SLC9A6: variants seen among roughly 807,000 people sequenced by gnomAD.
The protein encoded by SLC9A6 is solute carrier family 9 member A6, also known as sodium/hydrogen exchanger 6.
In SLC9A6, 6 loss-of-function variants were observed where a neutral mutation model predicts 45.3. That is an observed-to-expected ratio of 0.13 (90% CI 0.07 to 0.26). SLC9A6 has a LOEUF of 0.26. SLC9A6 is among the 10% of genes least tolerant of loss of function. The pLI is 1.00. For synonymous variants in SLC9A6, 191 were observed against 187.7 expected, an observed-to-expected ratio of 1.02 and a Z score of -0.14; for missense variants, 278 against 503.7, an observed-to-expected ratio of 0.55 and a Z score of 4.29.
In SLC9A6 at chrX:136,036,589, C is replaced by T. The variant is rs1019234650; in HGVS notation, c.1661+3096C>T. On this transcript the variant is annotated intron_variant, in intron 16 of 17. Coordinates refer to ENST00000630721, the MANE Select transcript of SLC9A6 (RefSeq NM_001379110.1). ...AGTGCAGTGGTGCAATCATAGTTCA[C>T]TGTAGCCCCAACCTCCTGGGCTCAG... is the stretch of plus-strand genomic sequence containing the variant. Among the ~76,000 whole-genome samples the T allele has an allele frequency of 2.7e-5, 3 of 112,673 alleles. No individual in the cohort carries two copies. The Admixed American group carries it at 2.8e-4, about 11-fold the overall frequency.
intron 10 of SLC9A6, among the ~76,000 whole-genome samples, chrX:136,014,158 A>G (rs1037959308): frequency 8.9e-6 from 1 of 112,480 alleles, no homozygotes; most frequent in Non-Finnish European, 1.9e-5. Context: ...GATTATGGCT[A>G]TAGTGAGAAA....
At chrX:136,043,010 G>C (rs2071540790) in intron 17 of SLC9A6, among the ~76,000 whole-genome samples, 1 of 111,852 alleles carries the variant, frequency 8.9e-6, no homozygotes, top group Non-Finnish European at 1.9e-5. Flanking sequence ...AAATCACTGG[G>C]TCAAAAGGCA....
chrX:136,025,335 T>G (rs1266622523), intron 13 of SLC9A6, among the ~76,000 whole-genome samples: 1 of 112,767 alleles, frequency 8.9e-6, no homozygotes, highest in Non-Finnish European at 1.9e-5. Flanking sequence ...AGTTCTGTGT[T>G]TGGCTGAAAC....
intron 1 of SLC9A6, among the ~76,000 whole-genome samples, chrX:135,980,107 T>C (rs1297395779): frequency 8.9e-6 from 1 of 111,939 alleles, no homozygotes; most frequent in African/African-American, 3.3e-5. Flanking sequence ...CAAATTAATA[T>C]TGGGGAGGTT....
intron 2 of SLC9A6, among the ~76,000 whole-genome samples, chrX:135,987,778 A>G (rs1418005311): frequency 1.4e-4 from 15 of 109,983 alleles, no homozygotes; most frequent in African/African-American, 4.7e-4. Flanking sequence ...TTCCCGTCAC[A>G]CTCTGCCCAT....
rs1401081990 is a variant in SLC9A6, at chrX:136,046,603, A to G, written c.*1879A>G. The G allele has an allele frequency of 8.9e-6, 1 of 112,788 alleles. No homozygotes were observed. The highest frequency in any genetic ancestry group is 3.2e-5 in the African/African-American group (1 of 30,966). The allele number at this position is 112,788 out of a possible 1,213,427, so 9.3% of individuals were successfully genotyped here. A position where few individuals can be genotyped will look rare whatever the true frequency, so the allele number is the denominator to read the frequency against. ...TCACTTTATGTAAATACTTCGCATG[A>G]CAAATTCAGTAACTCGTCTATTTCA... On this transcript the variant is annotated 3_prime_UTR_variant, in exon 18 of 18. Coordinates refer to ENST00000630721, the MANE Select transcript of SLC9A6 (RefSeq NM_001379110.1).
intron 2 of SLC9A6, among the ~76,000 whole-genome samples, chrX:135,986,259 T>C (rs1424579747): frequency 1.8e-5 from 2 of 110,572 alleles, no homozygotes; most frequent in Non-Finnish European, 3.8e-5. Flanking sequence ...GTATCTCTAC[T>C]GCCCAGAATC....
chrX:136,010,668 A>G (rs1304768347), intron 8 of SLC9A6, 85 bp downstream of exon 8: 25 of 862,494 alleles, frequency 2.9e-5, no homozygotes, highest in East Asian at 1.9e-4. Flanking sequence ...TAGTTCTATG[A>G]TTAGAATTAT....
chrX:136,004,795 CT>C (rs1313717141), intron 7 of SLC9A6, among the ~76,000 whole-genome samples: 3 of 112,052 alleles, frequency 2.7e-5, no homozygotes, highest in Non-Finnish European at 3.8e-5. Context: ...AAGGCTGTAA[CT>C]CATATTGATA....
intron 17 of SLC9A6, among the ~76,000 whole-genome samples, chrX:136,041,117 C>G (rs1556622536): frequency 9.4e-6 from 1 of 106,060 alleles, no homozygotes; most frequent in African/African-American, 3.4e-5. Context: ...GACTCTGTAT[C>G]AAAAGAAAAA....
intron 5 of SLC9A6, 36 bp from the exon 6 acceptor site, chrX:135,998,820 A>AT: frequency 2.0e-6 from 2 of 1,014,028 alleles, no homozygotes; most frequent in Non-Finnish European, 2.8e-6. Flanking sequence ...AACAGTTGAT[A>AT]TTTTTTTCTA....
chrX:136,038,360 T>A (rs2071446536), intron 16 of SLC9A6, among the ~76,000 whole-genome samples: 1 of 112,502 alleles, frequency 8.9e-6, no homozygotes, highest in Non-Finnish European at 1.9e-5. Context: ...TGTTTGAATG[T>A]TAAACTAGTC....
chrX:135,985,189 A>C (rs1461953561), upstream of SLC9A6: 9 of 215,444 alleles, frequency 4.2e-5, no homozygotes, highest in Non-Finnish European at 5.8e-5. Context: ...AGCTCTGAGA[A>C]TAGGATCAAA....
chrX:136,027,731 T>A (rs185736050), intron 13 of SLC9A6, among the ~76,000 whole-genome samples: 6 of 112,327 alleles, frequency 5.3e-5, no homozygotes, highest in Non-Finnish European at 1.1e-4. Context: ...CCCTAATGTA[T>A]AGTCTTGTGG....
chrX:136,004,081 T>A (rs1556617668), intron 7 of SLC9A6, among the ~76,000 whole-genome samples: 2 of 65,676 alleles, frequency 3.0e-5, no homozygotes, highest in African/African-American at 1.3e-4. Flanking sequence ...CTCCCTAATC[T>A]TTTTTTTTTT....
chrX:136,007,561 T>A (rs2089677185), intron 7 of SLC9A6, among the ~76,000 whole-genome samples: 1 of 111,807 alleles, frequency 8.9e-6, no homozygotes. Flanking sequence ...AGTAGAAAAT[T>A]CCTGAAATTT....
chrX:136,027,713 T>C (rs1358970223), intron 13 of SLC9A6, among the ~76,000 whole-genome samples: 1 of 112,280 alleles, frequency 8.9e-6, no homozygotes, highest in Non-Finnish European at 1.9e-5. Flanking sequence ...AGGCTGTACT[T>C]TGTGGACCCC....
At chrX:135,983,686 A>G (rs181500654), upstream of SLC9A6, 1 of 106,168 alleles carries the variant, frequency 9.4e-6, no homozygotes, top group East Asian at 2.9e-4. Flanking sequence ...TCAGGGAAGC[A>G]ATCTGTGGCT....
chrX:136,032,363 T>G (rs1233725964), intron 15 of SLC9A6, among the ~76,000 whole-genome samples: 4 of 112,626 alleles, frequency 3.6e-5, no homozygotes, highest in African/African-American at 1.3e-4. Context: ...TGAGCCACTG[T>G]GTCTGGCCTA....
Sources: gnomAD v4.1 joint callset for allele counts (sites outside exome capture counted in the v4.1 genomes callset) on GRCh38, gnomAD v4.1.1 for gene constraint, MANE v1.5 for transcripts, NCBI Gene and HGNC (gene_info 2026-07-23, HGNC 2026-07-21) for gene names.